CECR2: variants seen among roughly 807,000 people sequenced by gnomAD.
CECR2 encodes chromatin remodeling regulator CECR2.
In CECR2, 30 loss-of-function variants were observed where a neutral mutation model predicts 154.5. That is an observed-to-expected ratio of 0.19 (90% CI 0.15 to 0.26). CECR2 has a LOEUF of 0.26. CECR2 is among the 10% of genes least tolerant of loss of function. The pLI, the probability that CECR2 is intolerant of heterozygous loss-of-function variation, is 1.00. For missense variants in CECR2, 1,743 were observed against 1,829.3 expected, an observed-to-expected ratio of 0.95 and a Z score of 0.86; for synonymous variants, 725 against 683.7, an observed-to-expected ratio of 1.06 and a Z score of -0.94.
intron 2 of CECR2, among the ~76,000 whole-genome samples, chr22:17,494,206 C>T (rs570124852): frequency 6.6e-6 from 1 of 152,372 alleles, no homozygotes; most frequent in South Asian, 2.1e-4. Flanking sequence ...AGCGATTCTC[C>T]TGCTTCAGCC....
intron 1 of CECR2, among the ~76,000 whole-genome samples, chr22:17,386,917 C>G (rs2063269831): frequency 6.6e-6 from 1 of 152,182 alleles, no homozygotes; most frequent in Non-Finnish European, 1.5e-5. Flanking sequence ...TCCTACAGTG[C>G]TGGGATTACA....
intron 2 of CECR2, among the ~76,000 whole-genome samples, chr22:17,490,148 TG>T (rs1383464604): frequency 1.6e-5 from 2 of 125,930 alleles, no homozygotes; most frequent in African/African-American, 7.1e-5. Context: ...GTTTTTTTTT[TG>T]TGTGTGTGTG....
intron 8 of CECR2, among the ~76,000 whole-genome samples, chr22:17,522,151 G>C (rs958860374): frequency 1.3e-5 from 2 of 152,188 alleles, no homozygotes; most frequent in Non-Finnish European, 1.5e-5. Flanking sequence ...TTTGGTTACT[G>C]TAGTGACAAG....
chr22:17,398,609 G>A (rs77970879), intron 1 of CECR2, among the ~76,000 whole-genome samples: 3,773 of 152,220 alleles, frequency 0.025, 176 homozygotes, highest in African/African-American at 0.086. Flanking sequence ...TGTGACACTG[G>A]ACAATTTACT....
chr22:17,498,764 C>T lies in CECR2; in HGVS notation c.406-646C>T, dbSNP rs1000349810. 4.3e-5 allele frequency among the ~76,000 whole-genome samples: 4 copies of T among 93,438 alleles called. No individual in the cohort carries two copies. The East Asian group carries it at 1.3e-3, about 30-fold the overall frequency. 61.3% of individuals were successfully genotyped at this position (93,438 alleles called of 152,430 possible). On this transcript the variant is annotated intron_variant, in intron 3 of 18. Coordinates refer to ENST00000262608, the MANE Select transcript of CECR2 (RefSeq NM_001290047.2). ...ACCCGGTTGTACTTGTCTTTCTTTT[C>T]GTGTGTGCTCACATAAAACAACCGC...
rs1475260882 is a variant in CECR2 at position 17,539,028 on chromosome 22, G to A, written c.1404G>A (p.Leu468=). The A allele has an allele frequency of 6.2e-7, 1 of 1,613,684 alleles. No individual in the cohort carries two copies. Among genetic ancestry groups the A allele is most frequent in the Admixed American group, 1.7e-5 (1 of 59,984 alleles). Residue 468 remains leucine (L), a synonymous_variant, in exon 13 of 19, where the codon CTG becomes CTA. Transcript: ENST00000262608. ...PMDISSMEKK[L]NGGLYCTKEE... is the part of the protein sequence containing the mutation. Reference sequence around the variant, plus strand: ...ATATTTCCAGCATGGAGAAGAAACTGAATGGAGGTTTATACTGTACCAAGG... The same window carrying A: ...ATATTTCCAGCATGGAGAAGAAACTAAATGGAGGTTTATACTGTACCAAGG...
At chr22:17,462,851 G>A (rs1410566175) in intron 1 of CECR2, among the ~76,000 whole-genome samples, 2 of 152,172 alleles carry the variant, frequency 1.3e-5, no homozygotes, top group Non-Finnish European at 2.9e-5. Context: ...GGTGGAGGTT[G>A]CAGTGAGCCA....
chr22:17,429,093 G>A (rs369756144), intron 1 of CECR2, among the ~76,000 whole-genome samples: 2 of 152,030 alleles, frequency 1.3e-5, no homozygotes, highest in Admixed American at 6.6e-5. Context: ...GCATGGAGGC[G>A]TAAAAGAAGG....
chr22:17,523,910 A>G (rs1017363009), intron 8 of CECR2, among the ~76,000 whole-genome samples: 3 of 152,218 alleles, frequency 2.0e-5, no homozygotes, highest in Non-Finnish European at 4.4e-5. Context: ...ATTGTTGGAC[A>G]CAAAAGTTTT....
chr22:17,420,066 C>T (rs5992687), intron 1 of CECR2, among the ~76,000 whole-genome samples: 1 of 151,940 alleles, frequency 6.6e-6, no homozygotes, highest in Non-Finnish European at 1.5e-5. Context: ...TTACAGCTGT[C>T]CTTGAACAAG....
intron 1 of CECR2, among the ~76,000 whole-genome samples, chr22:17,461,823 C>T (rs999922476): frequency 1.1e-4 from 17 of 147,990 alleles, no homozygotes; most frequent in African/African-American, 3.5e-4. Context: ...AATGGAGTCT[C>T]GCTCTGTCGC....
Position 17,452,448 on chromosome 22 carries a change from G to A in CECR2, c.127-25140G>A, listed in dbSNP as rs536734355. On this transcript the variant is annotated intron_variant, in intron 1 of 18. Transcript: ENST00000262608. ...ATGTGTGGAGAGAATAGACCATCAA[G>A]TATAAGAGGGAGAATAGGGGAAAAA... Among the ~76,000 whole-genome samples the A allele has an allele frequency of 7.9e-5, 12 of 152,264 alleles. No homozygotes were observed. The East Asian group carries it at 2.3e-3, about 29-fold the overall frequency.
intron 1 of CECR2, among the ~76,000 whole-genome samples, chr22:17,474,460 T>C (rs1321743696): frequency 6.6e-6 from 1 of 152,200 alleles, no homozygotes; most frequent in East Asian, 1.9e-4. Context: ...CATTTAAGCC[T>C]ATTCGATTCT....
At chr22:17,500,267 G>C (rs2055713153) in intron 4 of CECR2, among the ~76,000 whole-genome samples, 2 of 150,536 alleles carry the variant, frequency 1.3e-5, no homozygotes, top group South Asian at 4.2e-4. Flanking sequence ...GTATCCATCA[G>C]TTTAAGAACA....
chr22:17,465,615 G>A (rs2055018403), intron 1 of CECR2, among the ~76,000 whole-genome samples: 1 of 152,072 alleles, frequency 6.6e-6, no homozygotes, highest in Admixed American at 6.5e-5. Flanking sequence ...CTCCTGAGTA[G>A]CTGGGATTAC....
rs750620736 is a variant in CECR2 at position 17,524,277 on chromosome 22, T to C, written c.1108+6T>C. 1.9e-6 allele frequency: 3 copies of C among 1,605,890 alleles called. No individual in the cohort carries two copies. The highest frequency in any genetic ancestry group is 8.5e-7 in the Non-Finnish European group (1 of 1,176,938). On this transcript the variant is annotated splice_donor_region_variant and intron_variant, in intron 9 of 18. Transcript: ENST00000262608. Reference sequence around the variant, plus strand: ...GAAGGTCAAGGCAGTGGAAGGTATGTGCAGTGTCCGCGTGGTCTGGAGAGG... The same window carrying C: ...GAAGGTCAAGGCAGTGGAAGGTATGCGCAGTGTCCGCGTGGTCTGGAGAGG...
chr22:17,529,486 G>C (rs929003822), intron 9 of CECR2, among the ~76,000 whole-genome samples: 1 of 152,170 alleles, frequency 6.6e-6, no homozygotes, highest in Non-Finnish European at 1.5e-5. Context: ...GAATCACGAG[G>C]TCAGGAGATC....
rs1176417480 is a variant in CECR2 at position 17,362,153 on chromosome 22, G to A, written c.-364+2130G>A. On this transcript the variant is annotated intron_variant, in intron 1 of 18. Coordinates refer to the CECR2 transcript ENST00000400585. Reference sequence around the variant, plus strand: ...TGTCTCCAGAGTTCAAGCAATTATCGTGCCTCAGCCTCCCAAGTAGCTGGG... The same window carrying A: ...TGTCTCCAGAGTTCAAGCAATTATCATGCCTCAGCCTCCCAAGTAGCTGGG... Among the ~76,000 whole-genome samples, 5 of 151,878 alleles carry A rather than the reference G, an allele frequency of 3.3e-5. No individual in the cohort carries two copies. The East Asian group carries it at 5.8e-4, about 18-fold the overall frequency.
intron 1 of CECR2, among the ~76,000 whole-genome samples, chr22:17,397,173 G>C (rs924243575): frequency 6.6e-6 from 1 of 151,462 alleles, no homozygotes; most frequent in African/African-American, 2.4e-5. Flanking sequence ...TTCTGGCTCT[G>C]TCGCCCAGGC....
Sources: gnomAD v4.1 joint callset for allele counts (sites outside exome capture counted in the v4.1 genomes callset) on GRCh38, gnomAD v4.1.1 for gene constraint, MANE v1.5 for transcripts, NCBI Gene and HGNC (gene_info 2026-07-23, HGNC 2026-07-21) for gene names.